Variants in CEP85L observed in about 807,000 individuals in gnomAD.
CEP85L encodes the protein centrosomal protein 85L, also known as centrosomal protein of 85 kDa-like.
CEP85L carries 60 observed loss-of-function variants against 100.3 expected under a neutral mutation model. That is an observed-to-expected ratio of 0.60 (90% CI 0.49 to 0.74). CEP85L has a LOEUF of 0.74. CEP85L is among the 30% of genes least tolerant of loss of function. The pLI, the probability that CEP85L is intolerant of heterozygous loss-of-function variation, is 0.00. For missense variants in CEP85L, 973 were observed against 936.2 expected (o/e 1.04, Z -0.51); for synonymous variants, 319 against 322.7 (o/e 0.99, Z 0.12).
intron 2 of CEP85L, among the ~76,000 whole-genome samples, chr6:118,574,319 G>C (rs1055519297): frequency 1.3e-5 from 2 of 152,174 alleles, no homozygotes; most frequent in Admixed American, 6.5e-5. Context: ...GGTTTGGTCC[G>C]ACCCCAGCCA....
chr6:118,576,852 G>C (rs1780267036), intron 2 of CEP85L, among the ~76,000 whole-genome samples: 1 of 151,948 alleles, frequency 6.6e-6, no homozygotes, highest in Non-Finnish European at 1.5e-5. Flanking sequence ...ACGGTACCAA[G>C]ATGCAAATGC....
At chr6:118,613,667 G>A (rs1772807388) in intron 2 of CEP85L, among the ~76,000 whole-genome samples, 1 of 146,872 alleles carries the variant, frequency 6.8e-6, no homozygotes, top group African/African-American at 2.5e-5. Flanking sequence ...TGAGGAAGGA[G>A]AATCGCTTGA....
chr6:118,695,935 A>G (rs1777194414), intron 1 of CEP85L, among the ~76,000 whole-genome samples: 1 of 152,214 alleles, frequency 6.6e-6, no homozygotes, highest in Non-Finnish European at 1.5e-5. Flanking sequence ...TGTAAGAGGT[A>G]TTTAGTATAT....
At chr6:118,526,470 A>G (rs1267099459) in intron 3 of CEP85L, among the ~76,000 whole-genome samples, 1 of 152,184 alleles carries the variant, frequency 6.6e-6, no homozygotes, top group African/African-American at 2.4e-5. Context: ...GTTAAACACT[A>G]CCTACAATCT....
intron 2 of CEP85L, among the ~76,000 whole-genome samples, chr6:118,582,601 A>T (rs1353726245): frequency 6.6e-6 from 1 of 152,222 alleles, no homozygotes; most frequent in African/African-American, 2.4e-5. Flanking sequence ...ATGAATGGAA[A>T]AGGAAGCACT....
At chr6:118,571,376 G>T (rs973186432) in intron 2 of CEP85L, among the ~76,000 whole-genome samples, 1 of 152,194 alleles carries the variant, frequency 6.6e-6, no homozygotes, top group African/African-American at 2.4e-5. Flanking sequence ...AGGCATAGAT[G>T]AGCTAATGGT....
intron 2 of CEP85L, among the ~76,000 whole-genome samples, chr6:118,568,013 C>T (rs1006515223): frequency 1.3e-5 from 2 of 152,198 alleles, no homozygotes; most frequent in Admixed American, 6.5e-5. Context: ...AATCCCAGTA[C>T]ACCCTGAAAC....
In CEP85L at chr6:118,577,405, C is replaced by T. The variant is rs1780306299; in HGVS notation, c.233-11089G>A. ...GACAATCGTGAAAAAAGAAGTACCC[C>T]CCACGGGTCCTTTGACCCTCACATT... On this transcript the variant is annotated intron_variant, in intron 2 of 12. Transcript: ENST00000368491. 2.0e-5 allele frequency among the ~76,000 whole-genome samples: 3 copies of T among 152,264 alleles called. No individual in the cohort carries two copies. The South Asian group carries it at 6.2e-4, about 32-fold the overall frequency.
intron 1 of CEP85L, among the ~76,000 whole-genome samples, chr6:118,667,737 A>G (rs775706641): frequency 3.9e-5 from 6 of 151,958 alleles, no homozygotes; most frequent in Admixed American, 6.6e-5. Flanking sequence ...TAAATCGTAA[A>G]CCTAGGTCAT....
intron 2 of CEP85L, among the ~76,000 whole-genome samples, chr6:118,582,462 C>G (rs567514402): frequency 6.6e-6 from 1 of 152,146 alleles, no homozygotes; most frequent in Non-Finnish European, 1.5e-5. Context: ...AAGCAACATG[C>G]CTCCTGTAGC....
chr6:118,544,358 A>T (rs12195048), intron 3 of CEP85L, among the ~76,000 whole-genome samples: 15,412 of 152,192 alleles, frequency 0.1, 942 homozygotes, highest in African/African-American at 0.16. Flanking sequence ...CACTTCTCTT[A>T]GAAGTCATAC....
At position 118,621,009 on chromosome 6, in the gene CEP85L, G is replaced by C. The variant is rs375214653; in HGVS notation, c.232+11444C>G. Among the ~76,000 whole-genome samples, 30 of 152,222 alleles carry C rather than the reference G, an allele frequency of 2.0e-4. No homozygotes were observed. In the South Asian group the frequency reaches 5.2e-3, roughly 26 times the overall value. On this transcript the variant is annotated intron_variant, in intron 2 of 12. Coordinates refer to ENST00000368491, the MANE Select transcript of CEP85L (RefSeq NM_001042475.3). Reference sequence around the variant, plus strand: ...AGGAGGGAATCGACCCTGAAGTCTGGGCAATGGAAGGACAATTCGGTAGGG... The same window carrying C: ...AGGAGGGAATCGACCCTGAAGTCTGCGCAATGGAAGGACAATTCGGTAGGG...
At chr6:118,487,768 G>A (rs1315215528) in intron 6 of CEP85L, among the ~76,000 whole-genome samples, 2 of 152,194 alleles carry the variant, frequency 1.3e-5, no homozygotes, top group Non-Finnish European at 2.9e-5. Flanking sequence ...TCAGACCGGT[G>A]AGATCAGAGA....
intron 1 of CEP85L, among the ~76,000 whole-genome samples, chr6:118,648,236 A>G (rs1404807880): frequency 6.6e-6 from 1 of 152,212 alleles, no homozygotes; most frequent in Admixed American, 6.5e-5. Context: ...GCTGGGCAAC[A>G]GAGGGAAACT....
chr6:118,554,248 C>T (rs954701183), intron 3 of CEP85L, among the ~76,000 whole-genome samples: 1 of 152,120 alleles, frequency 6.6e-6, no homozygotes. Context: ...GATTGCACAA[C>T]TGCACTCCAG....
intron 3 of CEP85L, among the ~76,000 whole-genome samples, chr6:118,545,503 G>A (rs573324996): frequency 7.2e-5 from 11 of 152,224 alleles, no homozygotes; most frequent in African/African-American, 2.2e-4. Flanking sequence ...CAGGAGAATC[G>A]CTTGAACCCG....
intron 2 of CEP85L, among the ~76,000 whole-genome samples, chr6:118,615,712 G>A (rs1772991720): frequency 6.6e-6 from 1 of 152,200 alleles, no homozygotes; most frequent in Non-Finnish European, 1.5e-5. Context: ...GCTGCAGACG[G>A]AGGTCATCCA....
At position 118,491,751 on chromosome 6, in the gene CEP85L, G is replaced by A; in HGVS notation, c.1372C>T (p.Leu458Phe). 9.3e-6 allele frequency: 15 copies of A among 1,613,006 alleles called. No individual in the cohort carries two copies. Among genetic ancestry groups the A allele is most frequent in the Non-Finnish European group, 1.2e-5 (14 of 1,179,458 alleles). Residue 458 changes from leucine (L) to phenylalanine (F), a missense_variant, in exon 6 of 13, where the codon CTT becomes TTT. This residue lies in a region of CEP85L where 890 missense variants were observed against 844.5 expected (regional missense o/e 1.05). Coordinates refer to ENST00000368491, the MANE Select transcript of CEP85L (RefSeq NM_001042475.3). ...LASTEKEVLQ[L>F]NEFLKQRLSL... is the part of the protein sequence containing the mutation. ...AGTCTTTGTTTGAGAAACTCATTAA[G>A]CTGTAAAACTTCTTTCTCAGTAGAT...
At chr6:118,667,236 A>G (rs1458253799) in intron 1 of CEP85L, among the ~76,000 whole-genome samples, 1 of 152,196 alleles carries the variant, frequency 6.6e-6, no homozygotes, top group East Asian at 1.9e-4. Context: ...AAAATTACTA[A>G]CATGAAGAAG....
Sources: gnomAD v4.1 joint callset for allele counts (sites outside exome capture counted in the v4.1 genomes callset) on GRCh38, gnomAD v4.1.1 for gene constraint, gnomAD v4.1.1 regional missense constraint, MANE v1.5 for transcripts, NCBI Gene and HGNC (gene_info 2026-07-23, HGNC 2026-07-21) for gene names.